The following COBL variants were observed in gnomAD, a reference collection of about 807,000 sequenced individuals.
The protein encoded by COBL is cordon-bleu WH2 repeat protein.
In COBL, 51 loss-of-function variants were observed where a neutral mutation model predicts 98.8. The observed-to-expected ratio is 0.52, with a 90% CI of 0.41 to 0.65. The LOEUF is 0.65. Ranked by LOEUF, COBL falls within the 30% of genes least tolerant of loss-of-function variation. The pLI, the probability that COBL is intolerant of heterozygous loss-of-function variation, is 0.00. For missense variants in COBL, 1,617 were observed against 1,617.5 expected (o/e 1.00, Z 0.01); for synonymous variants, 634 against 651.7 (o/e 0.97, Z 0.41).
chr7:51,031,933 C>CT (rs1457678540), intron 8 of COBL: 1 of 152,294 alleles, frequency 6.6e-6, no homozygotes, highest in Non-Finnish European at 1.5e-5. Flanking sequence ...CAAGGGCCTC[C>CT]TCTCAGACTT....
chr7:51,231,312 G>A (rs889370762), intron 1 of COBL, among the ~76,000 whole-genome samples: 2 of 152,174 alleles, frequency 1.3e-5, no homozygotes, highest in African/African-American at 4.8e-5. Flanking sequence ...ATGCTAAAGA[G>A]ATGATGAATG....
At chr7:51,315,968 C>T (rs1021051570) in intron 1 of COBL, among the ~76,000 whole-genome samples, 1 of 152,238 alleles carries the variant, frequency 6.6e-6, no homozygotes, top group African/African-American at 2.4e-5. Context: ...CTAGGACGCC[C>T]CTTCCACTGC....
intron 12 of COBL, among the ~76,000 whole-genome samples, chr7:51,023,785 C>G (rs925415124): frequency 1.3e-5 from 2 of 152,170 alleles, no homozygotes; most frequent in Non-Finnish European, 2.9e-5. Flanking sequence ...GCTTACCCAG[C>G]GTCTCCTGGG....
At chr7:51,213,466 A>T (rs1463143082) in intron 2 of COBL, among the ~76,000 whole-genome samples, 1 of 152,188 alleles carries the variant, frequency 6.6e-6, no homozygotes, top group Non-Finnish European at 1.5e-5. Flanking sequence ...GTCTGTGGAA[A>T]AACTGTCTTC....
At chr7:51,128,517 G>C (rs1210304087) in intron 6 of COBL, among the ~76,000 whole-genome samples, 2 of 151,912 alleles carry the variant, frequency 1.3e-5, no homozygotes, top group African/African-American at 4.8e-5. Context: ...GGGGAGGGGA[G>C]AGAAATGAGA....
intron 6 of COBL, among the ~76,000 whole-genome samples, chr7:51,111,712 T>A (rs964529237): frequency 1.3e-5 from 2 of 152,148 alleles, no homozygotes; most frequent in Non-Finnish European, 2.9e-5. Context: ...CATGGTAACA[T>A]CTGTGTATCT....
intron 10 of COBL, 93 bp from the exon 11 acceptor site, chr7:51,026,758 C>A: frequency 6.9e-7 from 1 of 1,456,916 alleles, no homozygotes; most frequent in Non-Finnish European, 9.4e-7. Flanking sequence ...ATGGGCCAGG[C>A]ACGGTGGCTC....
intron 6 of COBL, among the ~76,000 whole-genome samples, chr7:51,119,127 G>A (rs537113209): frequency 4.3e-4 from 66 of 152,258 alleles, no homozygotes; most frequent in Non-Finnish European, 6.9e-4. Flanking sequence ...ACCTACCAAA[G>A]TTACAGGGAC....
intron 4 of COBL, among the ~76,000 whole-genome samples, chr7:51,185,258 G>T (rs1261244347): frequency 6.6e-6 from 1 of 152,186 alleles, no homozygotes; most frequent in Non-Finnish European, 1.5e-5. Context: ...GAATGCTTGG[G>T]CCCACTCCAG....
chr7:51,190,464 C>T (rs1158310369), intron 4 of COBL, among the ~76,000 whole-genome samples: 1 of 152,160 alleles, frequency 6.6e-6, no homozygotes, highest in South Asian at 2.1e-4. Context: ...CATTCTCCTG[C>T]CTCAGCCTCT....
intron 7 of COBL, among the ~76,000 whole-genome samples, chr7:51,049,220 C>T (rs915686962): frequency 2.6e-5 from 4 of 152,198 alleles, no homozygotes; most frequent in South Asian, 2.1e-4. Flanking sequence ...AATTTATCTG[C>T]TTGATCTTAT....
chr7:51,058,967 G>A (rs1249221420), intron 7 of COBL, among the ~76,000 whole-genome samples: 1 of 152,214 alleles, frequency 6.6e-6, no homozygotes, highest in African/African-American at 2.4e-5. Flanking sequence ...CTGCGCTCAT[G>A]TCCTCCCATG....
chr7:51,186,635 C>G (rs1010303667), intron 4 of COBL, among the ~76,000 whole-genome samples: 2 of 152,216 alleles, frequency 1.3e-5, no homozygotes, highest in Non-Finnish European at 2.9e-5. Context: ...GTGGGAGAGA[C>G]ACTTTCTCAT....
At chr7:51,242,696 T>C (rs1052316322) in intron 1 of COBL, among the ~76,000 whole-genome samples, 2 of 152,066 alleles carry the variant, frequency 1.3e-5, no homozygotes, top group African/African-American at 4.8e-5. Context: ...AATGTTAACT[T>C]AGGATTTGAA....
chr7:51,229,619 T>C (rs1256638594), intron 1 of COBL, among the ~76,000 whole-genome samples: 1 of 152,206 alleles, frequency 6.6e-6, no homozygotes, highest in Non-Finnish European at 1.5e-5. Context: ...GCTGAATTTG[T>C]ATAAAGCAAT....
rs1490287054 is a variant in COBL, at chr7:51,027,695, G to A, written c.3384+17C>T. 2 of 1,597,090 alleles carry A rather than the reference G, an allele frequency of 1.3e-6. No individual in the cohort carries two copies. The highest frequency in any genetic ancestry group is 1.7e-6 in the Non-Finnish European group (2 of 1,170,652). On this transcript the variant is annotated intron_variant, in intron 10 of 12. Coordinates refer to ENST00000265136, the MANE Select transcript of COBL (RefSeq NM_015198.5). ...GGGCAGGTGTGGAAGGCCTGCCCCG[G>A]AAGCCGCCATCCTCACCTTGCGTAG...
At chr7:51,196,275 G>T (rs1156651972) in intron 2 of COBL, among the ~76,000 whole-genome samples, 1 of 152,120 alleles carries the variant, frequency 6.6e-6, no homozygotes, top group Non-Finnish European at 1.5e-5. Flanking sequence ...TTTGTCTTTT[G>T]TTCTGTTTAT....
intron 7 of COBL, chr7:51,083,280 T>C (rs181700007): frequency 1.4e-6 from 2 of 1,389,172 alleles, no homozygotes; most frequent in East Asian, 5.2e-5. Context: ...AAGCCGTCAC[T>C]CACTAGGCAC....
chr7:51,316,350 G>T (rs915061114), intron 1 of COBL: 1 of 314,454 alleles, frequency 3.2e-6, no homozygotes, highest in Non-Finnish European at 5.8e-6. Context: ...CGCGAAAAGT[G>T]CGCTCCGGCC....
Sources: allele counts gnomAD v4.1 joint callset (sites outside exome capture counted in the v4.1 genomes callset), GRCh38; gene constraint gnomAD v4.1.1; transcripts MANE v1.5; gene names NCBI Gene and HGNC (gene_info 2026-07-23, HGNC 2026-07-21).